The following MAF variants were observed in gnomAD, a reference collection of about 807,000 sequenced individuals.
The protein encoded by MAF is MAF bZIP transcription factor.
In MAF, 10 loss-of-function variants were observed where a neutral mutation model predicts 22.0. The ratio of observed to expected loss-of-function variants is 0.45; its 90% CI spans 0.28 to 0.77. MAF has a LOEUF of 0.77. MAF is among the 30% of genes least tolerant of loss of function. The pLI is 0.12. For synonymous variants in MAF, 337 were observed against 255.8 expected (o/e 1.32, Z -3.03); for missense variants, 544 against 548.4 (o/e 0.99, Z 0.08).
the MAF span, among the ~76,000 whole-genome samples, chr16:79,380,904 C>G: frequency 2.6e-5 from 4 of 152,174 alleles, no homozygotes; most frequent in African/African-American, 9.7e-5. Flanking sequence ...CTGGGATGGC[C>G]AGGGGTAGCC....
the MAF span, among the ~76,000 whole-genome samples, chr16:79,209,158 G>A: frequency 6.6e-6 from 1 of 152,102 alleles, no homozygotes; most frequent in African/African-American, 2.4e-5. Context: ...TTTTCAAAAA[G>A]GTATGGCTCT....
chr16:79,246,551 TG>T, the MAF span, among the ~76,000 whole-genome samples: 1 of 78,530 alleles, frequency 1.3e-5, no homozygotes, highest in Non-Finnish European at 2.8e-5. Flanking sequence ...GGGGGGGGTG[TG>T]GGGGTGTATT....
At chr16:79,205,114 G>C in the MAF span, 5 of 152,206 alleles carry the variant, frequency 3.3e-5, no homozygotes, top group Non-Finnish European at 7.3e-5. Context: ...TCTCTGAACA[G>C]AAGCCTGTGA....
At chr16:79,218,338 C>T in the MAF span, among the ~76,000 whole-genome samples, 6 of 151,950 alleles carry the variant, frequency 3.9e-5, no homozygotes, top group Non-Finnish European at 7.3e-5. Context: ...AACCCATTCC[C>T]CTACTGTGGG....
the MAF span, among the ~76,000 whole-genome samples, chr16:79,262,870 C>T: frequency 6.6e-6 from 1 of 152,052 alleles, no homozygotes; most frequent in Non-Finnish European, 1.5e-5. Flanking sequence ...CAGAAATAAC[C>T]GTAGCATTTT....
At chr16:79,526,218 C>T in the MAF span, among the ~76,000 whole-genome samples, 1 of 152,076 alleles carries the variant, frequency 6.6e-6, no homozygotes, top group East Asian at 1.9e-4. Flanking sequence ...GACAATTTTT[C>T]CATGGATGGG....
the MAF span, among the ~76,000 whole-genome samples, chr16:79,550,545 C>T: frequency 1.3e-5 from 2 of 152,180 alleles, no homozygotes; most frequent in Admixed American, 6.5e-5. Context: ...CAGACTACAA[C>T]AGAAGCTAGC....
chr16:79,349,603 C>T, the MAF span, among the ~76,000 whole-genome samples: 1 of 152,162 alleles, frequency 6.6e-6, no homozygotes, highest in Non-Finnish European at 1.5e-5. Context: ...CCATAGGCCT[C>T]CTCACCCAGA....
the MAF span, among the ~76,000 whole-genome samples, chr16:79,458,386 G>C: frequency 6.6e-6 from 1 of 152,102 alleles, no homozygotes; most frequent in Non-Finnish European, 1.5e-5. Context: ...CTTTGCCAAC[G>C]TCAGAAACCA....
At chr16:79,235,148 C>CCGCTCCTT in the MAF span, among the ~76,000 whole-genome samples, 1 of 152,042 alleles carries the variant, frequency 6.6e-6, no homozygotes, top group African/African-American at 2.4e-5. Flanking sequence ...AGCCAAAGCT[C>CCGCTCCTT]ACCGGGAAAG....
chr16:79,591,739 C>T (rs953811802), downstream of MAF, among the ~76,000 whole-genome samples: 1 of 152,122 alleles, frequency 6.6e-6, no homozygotes, highest in African/African-American at 2.4e-5. Flanking sequence ...ACACAGAGGG[C>T]CTTCGAATTT....
chr16:79,580,510 T>C, the MAF span, among the ~76,000 whole-genome samples: 1 of 152,168 alleles, frequency 6.6e-6, no homozygotes, highest in African/African-American at 2.4e-5. Flanking sequence ...TAGAAAAACA[T>C]CGAAGATGCA....
At chr16:79,564,702 G>T in the MAF span, among the ~76,000 whole-genome samples, 1 of 152,196 alleles carries the variant, frequency 6.6e-6, no homozygotes, top group African/African-American at 2.4e-5. Flanking sequence ...TGCCCAGACA[G>T]TGTGGCTGTG....
the MAF span, among the ~76,000 whole-genome samples, chr16:79,547,833 C>G: frequency 6.6e-5 from 10 of 152,062 alleles, no homozygotes; most frequent in African/African-American, 2.4e-4. Flanking sequence ...TCCTCTGTAG[C>G]AAACTCACTG....
At chr16:79,489,882 G>A in the MAF span, among the ~76,000 whole-genome samples, 1 of 152,188 alleles carries the variant, frequency 6.6e-6, no homozygotes, top group Non-Finnish European at 1.5e-5. Flanking sequence ...AGAGACAAGG[G>A]TGGTCAGGGC....
chr16:79,491,418 GTTC>G, the MAF span, among the ~76,000 whole-genome samples: 15 of 152,260 alleles, frequency 9.9e-5, no homozygotes, highest in Non-Finnish European at 1.0e-4. Context: ...CTTCATGCAG[GTTC>G]TTCTTTGTTG....
chr16:79,502,909 A>C, the MAF span, among the ~76,000 whole-genome samples: 1 of 151,250 alleles, frequency 6.6e-6, no homozygotes, highest in Non-Finnish European at 1.5e-5. Flanking sequence ...CAAATTCATC[A>C]AACAGTACAC....
chr16:79,484,283 C>T, the MAF span, among the ~76,000 whole-genome samples: 21 of 152,266 alleles, frequency 1.4e-4, no homozygotes, highest in Admixed American at 4.6e-4. Context: ...ACGAGGCTGG[C>T]GTGACAAGGC....
the MAF span, among the ~76,000 whole-genome samples, chr16:79,291,447 T>C: frequency 4.6e-5 from 7 of 152,156 alleles, no homozygotes; most frequent in African/African-American, 1.7e-4. Flanking sequence ...TAAAGCATGA[T>C]ACTCTCCAGC....
Sources: gnomAD v4.1 joint callset for allele counts (sites outside exome capture counted in the v4.1 genomes callset) on GRCh38, gnomAD v4.1.1 for gene constraint, MANE v1.5 for transcripts, NCBI Gene and HGNC (gene_info 2026-07-23, HGNC 2026-07-21) for gene names.